Variants in SHANK2 observed in about 807,000 individuals in gnomAD.
SHANK2 encodes the protein SH3 and multiple ankyrin repeat domains 2.
In SHANK2, 43 loss-of-function variants were observed where a neutral mutation model predicts 133.7. The observed-to-expected ratio is 0.32, with a 90% CI of 0.25 to 0.41. SHANK2 has a LOEUF of 0.41. Among genes scored for constraint, SHANK2 ranks in the 10% least tolerant of loss-of-function variants. The pLI, the probability that SHANK2 is intolerant of heterozygous loss-of-function variation, is 1.00. For missense variants in SHANK2, 1,994 were observed against 2,235.8 expected (o/e 0.89, Z 2.18); for synonymous variants, 1,017 against 952.8 (o/e 1.07, Z -1.24).
chr11:71,074,773 ATTTTTT>A (rs36140840), intron 9 of SHANK2, among the ~76,000 whole-genome samples: 6 of 92,522 alleles, frequency 6.5e-5, no homozygotes, highest in African/African-American at 2.3e-4. Context: ...ACCTAAGCCA[ATTTTTT>A]TTTTTTTTTT....
intron 15 of SHANK2, among the ~76,000 whole-genome samples, chr11:70,688,243 C>A (rs1945200796): frequency 6.6e-6 from 1 of 152,226 alleles, no homozygotes; most frequent in Non-Finnish European, 1.5e-5. Context: ...CCTTCTCCAC[C>A]CTCAGAACCC....
At chr11:70,687,958 C>T (rs1945192477) in intron 15 of SHANK2, among the ~76,000 whole-genome samples, 1 of 152,226 alleles carries the variant, frequency 6.6e-6, no homozygotes, top group Non-Finnish European at 1.5e-5. Context: ...TCTGAGGCTG[C>T]TCTGAGCCAG....
chr11:70,526,648 A>C (rs1565098355), intron 17 of SHANK2, among the ~76,000 whole-genome samples: 1 of 152,196 alleles, frequency 6.6e-6, no homozygotes. Context: ...CTTTGGCCAG[A>C]GGCTATGCTT....
intron 17 of SHANK2, among the ~76,000 whole-genome samples, chr11:70,579,728 G>T (rs1375257218): frequency 6.6e-6 from 1 of 152,238 alleles, no homozygotes; most frequent in East Asian, 1.9e-4. Context: ...GGACCTGTGT[G>T]ACCATAAGCC....
chr11:70,628,703 C>T (rs1319193671), intron 17 of SHANK2, among the ~76,000 whole-genome samples: 1 of 152,212 alleles, frequency 6.6e-6, no homozygotes, highest in Non-Finnish European at 1.5e-5. Context: ...GCAGTGGAGA[C>T]CCACCATACA....
intron 15 of SHANK2, among the ~76,000 whole-genome samples, chr11:70,688,163 G>A (rs1945196858): frequency 1.3e-5 from 2 of 152,082 alleles, no homozygotes; most frequent in Admixed American, 6.5e-5. Context: ...TGAAGACCAA[G>A]TGCGCCCAGC....
intron 10 of SHANK2, among the ~76,000 whole-genome samples, chr11:70,910,792 G>A (rs1309322468): frequency 1.4e-5 from 2 of 140,974 alleles, no homozygotes; most frequent in Non-Finnish European, 3.1e-5. Flanking sequence ...GGGCAATAGA[G>A]TGAGACTCCA....
chr11:70,480,515 T>C (rs1050195855), intron 25 of SHANK2, among the ~76,000 whole-genome samples: 8 of 152,206 alleles, frequency 5.3e-5, no homozygotes, highest in African/African-American at 1.9e-4. Flanking sequence ...TTTGTGGCAT[T>C]TGTCACAGTT....
intron 14 of SHANK2, among the ~76,000 whole-genome samples, chr11:70,777,199 C>T (rs2135087759): frequency 6.6e-6 from 1 of 152,130 alleles, no homozygotes; most frequent in East Asian, 1.9e-4. Flanking sequence ...ACCCATCCAC[C>T]TACCCATCCA....
At chr11:71,238,836 CTCT>C (rs1238280507) in intron 1 of SHANK2, among the ~76,000 whole-genome samples, 2 of 152,332 alleles carry the variant, frequency 1.3e-5, no homozygotes, top group East Asian at 3.9e-4. Context: ...CCACAGAGGA[CTCT>C]CCCCAGAAGA....
At chr11:71,161,313 G>T (rs35251691) in intron 2 of SHANK2, among the ~76,000 whole-genome samples, 1 of 152,172 alleles carries the variant, frequency 6.6e-6, no homozygotes, top group African/African-American at 2.4e-5. Context: ...TTTTTACCAA[G>T]ATATATTTCT....
chr11:71,091,842 A>G (rs1354134071), intron 8 of SHANK2, among the ~76,000 whole-genome samples: 1 of 152,082 alleles, frequency 6.6e-6, no homozygotes, highest in Non-Finnish European at 1.5e-5. Context: ...CTGCTCTTCT[A>G]TGGGGTCCTC....
At chr11:70,601,542 G>T (rs2060497675) in intron 17 of SHANK2, among the ~76,000 whole-genome samples, 1 of 152,132 alleles carries the variant, frequency 6.6e-6, no homozygotes, top group Non-Finnish European at 1.5e-5. Flanking sequence ...AGTGGAGACA[G>T]GGTTTCACCA....
intron 1 of SHANK2, among the ~76,000 whole-genome samples, chr11:71,251,875 C>T (rs1362335376): frequency 6.6e-6 from 1 of 151,800 alleles, no homozygotes; most frequent in African/African-American, 2.4e-5. Flanking sequence ...GCCAGGGTGA[C>T]CGCAGCGGGG....
chr11:70,867,132 AAAGAG>A (rs1349709826), intron 11 of SHANK2, among the ~76,000 whole-genome samples: 12 of 151,334 alleles, frequency 7.9e-5, no homozygotes, highest in Non-Finnish European at 1.5e-4. Context: ...AAAAAAAAAA[AAAGAG>A]AGAGAGAATG....
intron 1 of SHANK2, among the ~76,000 whole-genome samples, chr11:71,234,553 G>A (rs1954800298): frequency 6.6e-6 from 1 of 152,024 alleles, no homozygotes; most frequent in Admixed American, 6.6e-5. Flanking sequence ...TCCACGTGCT[G>A]GACTCCGAGT....
chr11:70,585,674 C>A (rs1259437135), intron 17 of SHANK2, among the ~76,000 whole-genome samples: 12 of 151,722 alleles, frequency 7.9e-5, no homozygotes, highest in Admixed American at 7.9e-4. Flanking sequence ...CATCCACCCA[C>A]CCCACTACCC....
intron 10 of SHANK2, among the ~76,000 whole-genome samples, chr11:70,910,483 G>A (rs930555947): frequency 2.8e-4 from 42 of 152,128 alleles, no homozygotes; most frequent in African/African-American, 7.7e-4. Flanking sequence ...CCCATGATTC[G>A]GTTATGAAAA....
At chr11:71,243,109 G>T (rs1484012472) in intron 1 of SHANK2, among the ~76,000 whole-genome samples, 1 of 152,130 alleles carries the variant, frequency 6.6e-6, no homozygotes, top group Non-Finnish European at 1.5e-5. Context: ...ATGTTAAAAA[G>T]AAGAAAAATC....
Sources: gnomAD v4.1 joint callset for allele counts (sites outside exome capture counted in the v4.1 genomes callset) on GRCh38, gnomAD v4.1.1 for gene constraint, MANE v1.5 for transcripts, NCBI Gene and HGNC (gene_info 2026-07-23, HGNC 2026-07-21) for gene names.